Variants in ADAMTSL1 observed in about 807,000 individuals in gnomAD.
ADAMTSL1 encodes the protein ADAMTS-like protein 1.
In ADAMTSL1, 126 loss-of-function variants were observed where a neutral mutation model predicts 201.8. The observed-to-expected ratio is 0.62, with a 90% CI of 0.54 to 0.72. The LOEUF (loss-of-function observed/expected upper bound fraction) is 0.72, where lower values mean the gene tolerates loss of function less well. ADAMTSL1 is among the 30% of genes least tolerant of loss of function. The probability of loss-of-function intolerance (pLI) is 0.00; values close to 1 mark genes in which losing one functional copy is unlikely to be tolerated. For synonymous variants in ADAMTSL1, 1,121 were observed against 903.4 expected (o/e 1.24, Z -4.32); for missense variants, 2,679 against 2,277.8 (o/e 1.18, Z -3.59).
intron 7 of ADAMTSL1, among the ~76,000 whole-genome samples, chr9:18,654,186 G>C (rs575013557): frequency 6.6e-6 from 1 of 152,202 alleles, no homozygotes; most frequent in Non-Finnish European, 1.5e-5. Context: ...CTGAGATCAC[G>C]CCACTTCGCT....
intron 23 of ADAMTSL1, among the ~76,000 whole-genome samples, chr9:18,872,579 A>G (rs1157558419): frequency 6.6e-6 from 1 of 152,200 alleles, no homozygotes; most frequent in Non-Finnish European, 1.5e-5. Flanking sequence ...GAGTGAGAAC[A>G]TAAAATGTTT....
intron 4 of ADAMTSL1, among the ~76,000 whole-genome samples, chr9:18,607,937 A>G (rs545174706): frequency 6.6e-6 from 1 of 152,312 alleles, no homozygotes; most frequent in East Asian, 1.9e-4. Flanking sequence ...ATAGTATTCC[A>G]TGGTGTATTT....
chr9:18,002,962 G>A (rs775856276), intron 1 of ADAMTSL1, among the ~76,000 whole-genome samples: 31 of 152,110 alleles, frequency 2.0e-4, no homozygotes, highest in Non-Finnish European at 4.4e-4. Context: ...TTGACCTTTA[G>A]CATCTGTTTA....
chr9:18,750,550 G>A (rs560374807), intron 15 of ADAMTSL1, among the ~76,000 whole-genome samples: 1 of 152,212 alleles, frequency 6.6e-6, no homozygotes, highest in African/African-American at 2.4e-5. Flanking sequence ...TTCCAGGTTT[G>A]GGCTATTATG....
chr9:18,817,249 A>G lies in ADAMTSL1; in HGVS notation c.3934+12A>G, dbSNP rs950317606. On this transcript the variant is annotated intron_variant, in intron 21 of 28. Coordinates refer to ENST00000380548, the MANE Select transcript of ADAMTSL1 (RefSeq NM_001040272.6). ...CTGCCAGGTTGCAGGTGAGAAATTA[A>G]TGTTCATTTGTTCACACGTTAATGG... 10 of 1,550,612 alleles carry G rather than the reference A, an allele frequency of 6.4e-6. No homozygotes were observed. The highest frequency in any genetic ancestry group is 8.7e-6 in the Non-Finnish European group (10 of 1,146,614).
At chr9:18,893,491 G>C (rs569722975) in intron 26 of ADAMTSL1, among the ~76,000 whole-genome samples, 8 of 152,052 alleles carry the variant, frequency 5.3e-5, no homozygotes, top group Admixed American at 6.6e-5. Context: ...AGTACGTGTC[G>C]AGCTTTAATG....
At chr9:18,107,697 C>A (rs1036733645) in intron 1 of ADAMTSL1, among the ~76,000 whole-genome samples, 25 of 152,254 alleles carry the variant, frequency 1.6e-4, no homozygotes, top group African/African-American at 5.8e-4. Context: ...CAGAAAGATT[C>A]TTGAAGTCCA....
intron 15 of ADAMTSL1, among the ~76,000 whole-genome samples, chr9:18,736,892 A>T (rs968251187): frequency 6.6e-6 from 1 of 152,146 alleles, no homozygotes; most frequent in South Asian, 2.1e-4. Context: ...ATTATTTGCT[A>T]CTTACCACAT....
At chr9:18,227,303 CA>C (rs1830466848) in intron 2 of ADAMTSL1, among the ~76,000 whole-genome samples, 1 of 151,918 alleles carries the variant, frequency 6.6e-6, no homozygotes, top group African/African-American at 2.4e-5. Context: ...CATGTTTGCT[CA>C]AAGAGAAATC....
intron 4 of ADAMTSL1, among the ~76,000 whole-genome samples, chr9:18,603,995 A>C (rs1824842064): frequency 6.6e-6 from 1 of 152,242 alleles, no homozygotes; most frequent in Admixed American, 6.5e-5. Flanking sequence ...GCGAGAGCAC[A>C]CCTGAACAAA....
intron 1 of ADAMTSL1, among the ~76,000 whole-genome samples, chr9:18,498,704 T>C (rs1587381942): frequency 6.6e-6 from 1 of 152,186 alleles, no homozygotes; most frequent in African/African-American, 2.4e-5. Context: ...AGTTTACCAG[T>C]ATATGACTAG....
chr9:17,925,993 A>G (rs1448558911), intron 1 of ADAMTSL1, among the ~76,000 whole-genome samples: 1 of 152,176 alleles, frequency 6.6e-6, no homozygotes, highest in Non-Finnish European at 1.5e-5. Flanking sequence ...AAGGAAGGAA[A>G]TGTTTCATGT....
chr9:17,996,477 G>C (rs1819386985), intron 1 of ADAMTSL1, among the ~76,000 whole-genome samples: 1 of 152,062 alleles, frequency 6.6e-6, no homozygotes, highest in Admixed American at 6.6e-5. Flanking sequence ...AATGACCAGG[G>C]AGGTGAAGAT....
intron 2 of ADAMTSL1, among the ~76,000 whole-genome samples, chr9:18,423,080 C>A (rs1819036560): frequency 6.6e-6 from 1 of 152,168 alleles, no homozygotes; most frequent in South Asian, 2.1e-4. Flanking sequence ...CTTTCCCCTT[C>A]CTGGAAATCT....
At chr9:18,021,913 G>C (rs1820494337) in intron 1 of ADAMTSL1, among the ~76,000 whole-genome samples, 1 of 152,144 alleles carries the variant, frequency 6.6e-6, no homozygotes, top group African/African-American at 2.4e-5. Flanking sequence ...GAACAGGTCA[G>C]AGGTGGCTAT....
At position 18,889,482 on chromosome 9, in the gene ADAMTSL1, CCTT is replaced by C. The variant is rs545855112; in HGVS notation, c.4463-83_4463-81del. On this transcript the variant is annotated intron_variant, in intron 24 of 28. Transcript: ENST00000380548. ...TCAGGCCACAAATCCACCCCTGTCA[CCTT>C]CTCCCTGCCCTGCTCAGAAGGAATT... is the stretch of plus-strand genomic sequence containing the variant. 1.1e-4 allele frequency: 161 copies of C among 1,447,492 alleles called. No individual in the cohort carries two copies. In the South Asian group the frequency reaches 2.0e-3, roughly 18 times the overall value. The allele number at this position is 1,447,492 out of a possible 1,614,324, so 89.7% of individuals were successfully genotyped here. A position where few individuals can be genotyped will look rare whatever the true frequency, so the allele number is the denominator to read the frequency against.
intron 2 of ADAMTSL1, among the ~76,000 whole-genome samples, chr9:18,324,340 A>G (rs1391773817): frequency 2.0e-5 from 3 of 152,222 alleles, no homozygotes; most frequent in Non-Finnish European, 4.4e-5. Flanking sequence ...CCTAAAAGCT[A>G]AAAATATCAA....
chr9:18,415,342 TAGA>T (rs1818627177), intron 2 of ADAMTSL1, among the ~76,000 whole-genome samples: 1 of 152,182 alleles, frequency 6.6e-6, no homozygotes, highest in South Asian at 2.1e-4. Context: ...AGTGTAGACA[TAGA>T]AGATGTATTT....
At chr9:18,798,270 C>A (rs574456748) in intron 20 of ADAMTSL1, among the ~76,000 whole-genome samples, 13 of 152,018 alleles carry the variant, frequency 8.6e-5, no homozygotes, top group Non-Finnish European at 1.2e-4. Flanking sequence ...GGCTCTGGAG[C>A]CTTAGGGTCT....
Sources: allele counts gnomAD v4.1 joint callset (sites outside exome capture counted in the v4.1 genomes callset), GRCh38; gene constraint gnomAD v4.1.1; transcripts MANE v1.5; gene names NCBI Gene and HGNC (gene_info 2026-07-23, HGNC 2026-07-21).